SOX5: variants seen among roughly 807,000 people sequenced by gnomAD.
SOX5 encodes the protein transcription factor SOX-5.
In SOX5, 9 loss-of-function variants were observed where a neutral mutation model predicts 92.0. The ratio of observed to expected loss-of-function variants is 0.10; its 90% CI spans 0.06 to 0.17. The LOEUF (loss-of-function observed/expected upper bound fraction) is 0.17, where lower values mean the gene tolerates loss of function less well. Among genes scored for constraint, SOX5 ranks in the 10% least tolerant of loss-of-function variants. The pLI is 1.00. For missense variants in SOX5, 642 were observed against 944.5 expected, an observed-to-expected ratio of 0.68 and a Z score of 4.20; for synonymous variants, 344 against 336.3, an observed-to-expected ratio of 1.02 and a Z score of -0.25.
At chr12:23,695,466 T>A (rs2089646266) in intron 6 of SOX5, among the ~76,000 whole-genome samples, 1 of 152,196 alleles carries the variant, frequency 6.6e-6, no homozygotes, top group Admixed American at 6.5e-5. Flanking sequence ...TGAGAAAAGT[T>A]TCTAATCCTA....
chr12:24,162,800 T>C (rs1370910406), intron 4 of SOX5, among the ~76,000 whole-genome samples: 1 of 152,112 alleles, frequency 6.6e-6, no homozygotes, highest in Admixed American at 6.6e-5. Context: ...CAAACATACC[T>C]GAAGACCCAT....
chr12:23,955,129 T>A (rs190429249), upstream of SOX5, among the ~76,000 whole-genome samples: 1 of 152,220 alleles, frequency 6.6e-6, no homozygotes, highest in South Asian at 2.1e-4. Context: ...ATTTTCTGCA[T>A]AGTTTTTAAA....
At chr12:24,001,129 C>T (rs1408930816) in intron 4 of SOX5, among the ~76,000 whole-genome samples, 2 of 152,144 alleles carry the variant, frequency 1.3e-5, no homozygotes, top group East Asian at 3.9e-4. Flanking sequence ...CTTGCTCTGT[C>T]ACCCAGATTA....
intron 1 of SOX5, among the ~76,000 whole-genome samples, chr12:24,450,470 T>TTTTA (rs75555397): frequency 0.28 from 40,780 of 145,370 alleles, 6,262 homozygotes; most frequent in Middle Eastern, 0.35. Flanking sequence ...TGTGTATTTA[T>TTTTA]TTTATTTATT....
intron 1 of SOX5, among the ~76,000 whole-genome samples, chr12:24,487,114 G>A (rs1397751733): frequency 6.6e-6 from 1 of 152,160 alleles, no homozygotes. Context: ...AGTGTTCTCT[G>A]TCTCTAATGT....
chr12:23,768,979 T>C (rs1020877911), intron 3 of SOX5, among the ~76,000 whole-genome samples: 3 of 152,140 alleles, frequency 2.0e-5, no homozygotes, highest in Non-Finnish European at 4.4e-5. Flanking sequence ...CATCAGAAAA[T>C]TTCCAAAATG....
rs555732009 is a variant in SOX5, at chr12:23,556,326, G to C, written c.1488+6932C>G. Reference sequence around the variant, plus strand: ...GTAGAGAGACTCTGATAATAAGAAGGCAAATATTCAACTTCAGGTTTTGTG... The same window carrying C: ...GTAGAGAGACTCTGATAATAAGAAGCCAAATATTCAACTTCAGGTTTTGTG... On this transcript the variant is annotated intron_variant, in intron 11 of 14. Coordinates refer to ENST00000451604, the MANE Select transcript of SOX5 (RefSeq NM_006940.6). Among the ~76,000 whole-genome samples the C allele has an allele frequency of 6.6e-5, 10 of 152,166 alleles. No individual in the cohort carries two copies. The South Asian group carries it at 1.9e-3, about 28-fold the overall frequency.
At chr12:24,125,346 A>G (rs1949011105) in intron 4 of SOX5, among the ~76,000 whole-genome samples, 1 of 151,880 alleles carries the variant, frequency 6.6e-6, no homozygotes, top group African/African-American at 2.4e-5. Flanking sequence ...CCACTTCCAA[A>G]CCCCTTTCTT....
intron 4 of SOX5, among the ~76,000 whole-genome samples, chr12:24,070,687 TG>T (rs1424853740): frequency 6.6e-6 from 1 of 152,154 alleles, no homozygotes; most frequent in Non-Finnish European, 1.5e-5. Context: ...AAATGTAATA[TG>T]GTATTTATGT....
intron 4 of SOX5, among the ~76,000 whole-genome samples, chr12:23,965,782 C>T (rs781321925): frequency 3.9e-5 from 6 of 151,968 alleles, no homozygotes; most frequent in Non-Finnish European, 4.4e-5. Flanking sequence ...CCATGCCTGG[C>T]TAATTTTTGT....
At chr12:23,850,489 A>G (rs1451256371) in intron 2 of SOX5, among the ~76,000 whole-genome samples, 2 of 150,702 alleles carry the variant, frequency 1.3e-5, no homozygotes, top group African/African-American at 2.4e-5. Context: ...AAAAATCACC[A>G]GGAGAAGGTA....
intron 4 of SOX5, among the ~76,000 whole-genome samples, chr12:24,007,044 A>G (rs1952268850): frequency 6.7e-6 from 1 of 148,920 alleles, no homozygotes; most frequent in African/African-American, 2.5e-5. Context: ...GAGGCAGGAG[A>G]ACCACTTGAA....
Position 23,533,145 on chromosome 12 carries a change from T to C in SOX5, c.*1074A>G. 1 of 456,450 alleles carries C rather than the reference T, an allele frequency of 2.2e-6. No homozygotes were observed. The highest frequency in any genetic ancestry group is 4.4e-6 in the Non-Finnish European group (1 of 226,820). The allele number at this position is 456,450 out of a possible 1,614,324, so 28.3% of individuals were successfully genotyped here. On this transcript the variant is annotated 3_prime_UTR_variant, in exon 15 of 15. Coordinates refer to ENST00000451604, the MANE Select transcript of SOX5 (RefSeq NM_006940.6). The stretch of plus-strand genomic sequence containing the variant: ...AGTGCAAAGTCAAGGTCAAGATTAT[T>C]TCTAGACCAGTCACTTGGGAGGATG...
At chr12:23,785,857 A>G (rs1362286447) in intron 3 of SOX5, among the ~76,000 whole-genome samples, 1 of 152,142 alleles carries the variant, frequency 6.6e-6, no homozygotes, top group Non-Finnish European at 1.5e-5. Flanking sequence ...AAAGTAAGCA[A>G]TAGAAGAATT....
intron 3 of SOX5, among the ~76,000 whole-genome samples, chr12:24,226,177 A>G (rs1158798880): frequency 2.0e-5 from 3 of 152,070 alleles, no homozygotes; most frequent in Non-Finnish European, 4.4e-5. Context: ...TAATATTCTC[A>G]TGGTTCAAAA....
At chr12:23,953,643 C>T (rs548501375), upstream of SOX5, among the ~76,000 whole-genome samples, 239 of 151,854 alleles carry the variant, frequency 1.6e-3, no homozygotes, top group Admixed American at 2.1e-3. Context: ...GTATTCAAGC[C>T]TTCTGAGGCA....
At chr12:23,962,403 G>C (rs1342780714) in intron 4 of SOX5, among the ~76,000 whole-genome samples, 1 of 152,020 alleles carries the variant, frequency 6.6e-6, no homozygotes, top group African/African-American at 2.4e-5. Context: ...ACGCACGCAA[G>C]CAAATGTTTC....
intron 4 of SOX5, among the ~76,000 whole-genome samples, chr12:24,005,967 T>G (rs1449859541): frequency 6.6e-6 from 1 of 152,212 alleles, no homozygotes; most frequent in Non-Finnish European, 1.5e-5. Context: ...AAAGTAGTGC[T>G]TGAACCTTCA....
intron 4 of SOX5, among the ~76,000 whole-genome samples, chr12:24,057,681 TA>T (rs552582897): frequency 2.0e-5 from 3 of 152,300 alleles, no homozygotes; most frequent in Admixed American, 6.5e-5. Flanking sequence ...AAATTAACTT[TA>T]AAAAAATTAT....
Sources: allele counts gnomAD v4.1 joint callset (sites outside exome capture counted in the v4.1 genomes callset), GRCh38; gene constraint gnomAD v4.1.1; transcripts MANE v1.5; gene names NCBI Gene and HGNC (gene_info 2026-07-23, HGNC 2026-07-21).